The following SMC2 variants were observed in gnomAD, a reference collection of about 807,000 sequenced individuals.
SMC2 encodes structural maintenance of chromosomes 2.
SMC2 carries 41 observed loss-of-function variants against 142.6 expected under a neutral mutation model. That is an observed-to-expected ratio of 0.29 (90% CI 0.22 to 0.37). The LOEUF is 0.37. Ranked by LOEUF, SMC2 falls within the 10% of genes least tolerant of loss-of-function variation. The pLI is 1.00. For synonymous variants in SMC2, 463 were observed against 457.5 expected, an observed-to-expected ratio of 1.01 and a Z score of -0.15; for missense variants, 1,265 against 1,373.7, an observed-to-expected ratio of 0.92 and a Z score of 1.25.
chr9:104,121,703 C>A (rs1025968917), intron 16 of SMC2, among the ~76,000 whole-genome samples: 20 of 151,988 alleles, frequency 1.3e-4, no homozygotes, highest in Non-Finnish European at 2.5e-4. Flanking sequence ...AAAATGGCAC[C>A]AAGACTTTTG....
chr9:104,133,666 T>C (rs2131552930), intron 22 of SMC2, among the ~76,000 whole-genome samples: 1 of 152,208 alleles, frequency 6.6e-6, no homozygotes, highest in East Asian at 1.9e-4. Flanking sequence ...ATCAATCAAG[T>C]GCGTATGAAC....
chr9:104,096,139 T>C lies in SMC2; in HGVS notation c.169-9T>C, dbSNP rs1175819657. The C allele has an allele frequency of 1.2e-6, 2 of 1,609,812 alleles. No individual in the cohort carries two copies. The highest frequency in any genetic ancestry group is 4.5e-5 in the East Asian group (2 of 44,858). On this transcript the variant is annotated splice_polypyrimidine_tract_variant and intron_variant, in intron 2 of 24. Coordinates refer to ENST00000374793, the MANE Select transcript of SMC2 (RefSeq NM_006444.3). Reference sequence around the variant, plus strand: ...TTGTAATTGTTACACTTTTCATATTTTATTTTAGGTTCGGGCTTCTAATTT... The same window carrying C: ...TTGTAATTGTTACACTTTTCATATTCTATTTTAGGTTCGGGCTTCTAATTT...
At chr9:104,134,365 C>T (rs1452464042) in intron 22 of SMC2, 50 bp from the exon 23 acceptor site, 1 of 1,419,540 alleles carries the variant, frequency 7.0e-7, no homozygotes. Flanking sequence ...ACAATTGATT[C>T]TTCTTGGAAA....
rs756423115 is a variant in SMC2 at position 104,118,175 on chromosome 9, G to T, written c.1796G>T (p.Gly599Val). ...ATATCTGTTGTTGTCCCACAGGTTGGCCCTGACAACGTTCATGTGGCTCTT... is the reference window on the plus strand; with the variant it reads ...ATATCTGTTGTTGTCCCACAGGTTGTCCCTGACAACGTTCATGTGGCTCTT... Reference protein sequence around the residue: ...ETLRVAQNLVGPDNVHVALSL... With the variant: ...ETLRVAQNLVVPDNVHVALSL... The change falls in exon 15 of 25, where the codon GGC becomes GTC. Residue 599 changes from glycine to valine, a missense_variant. Gly to Val is a moderately radical substitution (Grantham distance 109). This residue lies in a region of SMC2 where 898 missense variants were observed against 904.2 expected (regional missense o/e 0.99). Coordinates refer to ENST00000374793, the MANE Select transcript of SMC2 (RefSeq NM_006444.3). 1.4e-5 allele frequency: 22 copies of T among 1,613,554 alleles called. No individual in the cohort carries two copies. In the Admixed American group the frequency reaches 3.5e-4, roughly 26 times the overall value.
chr9:104,120,102 A>G lies in SMC2; in HGVS notation c.2072A>G (p.Lys691Arg). The change falls in exon 16 of 25, where the codon AAA becomes AGA. Residue 691 changes from lysine to arginine, a missense_variant. Physicochemically the swap from Lys to Arg is conservative, Grantham distance 26. Transcript: ENST00000374793. ...LKDVQDELRI[K>R]ENELRALEEE... ...GATGTTCAGGATGAACTGAGAATCA[A>G]AGAGAATGAGCTGCGGGCTCTAGAA... 6.2e-7 allele frequency: 1 copy of G among 1,614,066 alleles called. No homozygotes were observed. Among genetic ancestry groups the G allele is most frequent in the Non-Finnish European group, 8.5e-7 (1 of 1,179,946 alleles).
rs747574527 is a variant in SMC2, at chr9:104,116,241, T to G, written c.1713T>G (p.Arg571=). The G allele has an allele frequency of 1.3e-5, 21 of 1,608,204 alleles. No individual in the cohort carries two copies. In the South Asian group the frequency reaches 2.3e-4, roughly 18 times the overall value. ...KKLLERGELK[R]RYTIIPLNKI... ...TACTAGAAAGGGGGGAACTGAAACG[T>G]CGATACACTATAATTCCACTCAATA... Residue 571 remains arginine, a synonymous_variant, in exon 14 of 25, where the codon CGT becomes CGG. Coordinates refer to ENST00000374793, the MANE Select transcript of SMC2 (RefSeq NM_006444.3).
chr9:104,122,770 C>G (rs1833877163), intron 16 of SMC2, among the ~76,000 whole-genome samples: 1 of 151,960 alleles, frequency 6.6e-6, no homozygotes, highest in Non-Finnish European at 1.5e-5. Context: ...TATAATTAAT[C>G]ATTTTTCGTG....
chr9:104,131,733 TAA>T (rs1834996198), intron 21 of SMC2, among the ~76,000 whole-genome samples: 1 of 151,740 alleles, frequency 6.6e-6, no homozygotes, highest in African/African-American at 2.4e-5. Flanking sequence ...CTTTGTCTTA[TAA>T]ATTCTTAGTT....
At chr9:104,118,839 G>A (rs1208147259) in intron 15 of SMC2, among the ~76,000 whole-genome samples, 3 of 152,052 alleles carry the variant, frequency 2.0e-5, no homozygotes, top group Admixed American at 6.5e-5. Flanking sequence ...TGGATAATTC[G>A]ACAATGCAGA....
rs1264781263 is a variant in SMC2, at chr9:104,100,216, A to G, written c.591+13A>G. 2 of 1,493,760 alleles carry G rather than the reference A, an allele frequency of 1.3e-6. No individual in the cohort carries two copies. Among genetic ancestry groups the G allele is most frequent in the Non-Finnish European group, 1.8e-6 (2 of 1,104,872 alleles). The allele number at this position is 1,493,760 out of a possible 1,614,324, so 92.5% of individuals were successfully genotyped here. ...AGAAATTAAGACGGTAATTTAATTCATATAAAATATTTTCGGAGAAGAATG... is the reference window on the plus strand; with the variant it reads ...AGAAATTAAGACGGTAATTTAATTCGTATAAAATATTTTCGGAGAAGAATG... On this transcript the variant is annotated intron_variant, in intron 6 of 24. Transcript: ENST00000374793.
chr9:104,108,356 G>C (rs2131362145), intron 9 of SMC2, among the ~76,000 whole-genome samples: 1 of 152,300 alleles, frequency 6.6e-6, no homozygotes, highest in South Asian at 2.1e-4. Flanking sequence ...TGGATCCACA[G>C]TGTCCCTTTA....
chr9:104,123,744 A>G (rs978204843), intron 17 of SMC2, among the ~76,000 whole-genome samples: 7 of 152,026 alleles, frequency 4.6e-5, no homozygotes, highest in African/African-American at 1.7e-4. Flanking sequence ...TCCTTTTACC[A>G]TCTTTTTTGG....
intron 22 of SMC2, among the ~76,000 whole-genome samples, chr9:104,134,016 A>G (rs1835261983): frequency 2.0e-5 from 3 of 151,850 alleles, no homozygotes; most frequent in Admixed American, 2.0e-4. Context: ...TTTTTTCCTC[A>G]TGTGATACAA....
At chr9:104,103,403 A>C (rs536998666) in intron 9 of SMC2, among the ~76,000 whole-genome samples, 4 of 152,202 alleles carry the variant, frequency 2.6e-5, no homozygotes, top group Non-Finnish European at 5.9e-5. Flanking sequence ...AGGGTAATAC[A>C]GAAGAGAGTT....
chr9:104,132,971 T>C (rs1266607439), intron 22 of SMC2, among the ~76,000 whole-genome samples: 1 of 152,088 alleles, frequency 6.6e-6, no homozygotes, highest in Non-Finnish European at 1.5e-5. Context: ...ATTCAGTGCT[T>C]ATTATATGCC....
chr9:104,113,783 C>T (rs1363429428), intron 11 of SMC2, among the ~76,000 whole-genome samples, 181 bp from the exon 12 acceptor site: 5 of 152,078 alleles, frequency 3.3e-5, no homozygotes, highest in Admixed American at 6.5e-5. Flanking sequence ...TGTTATTTGC[C>T]GTTGGAAATA....
At position 104,111,783 on chromosome 9, in the gene SMC2, A is replaced by T; in HGVS notation, c.1223A>T (p.Asp408Val). 6.2e-7 allele frequency: 1 copy of T among 1,613,856 alleles called. No individual in the cohort carries two copies. Among genetic ancestry groups the T allele is most frequent in the Non-Finnish European group, 8.5e-7 (1 of 1,179,816 alleles). ...LAGQMMACKN[D>V]ISKAQTEAKQ... ...GGTCAAATGATGGCCTGTAAAAATGATATAAGTAAAGCTCAGACAGAAGCC... is the reference window on the plus strand; with the variant it reads ...GGTCAAATGATGGCCTGTAAAAATGTTATAAGTAAAGCTCAGACAGAAGCC... The change falls in exon 10 of 25, where the codon GAT becomes GTT. Residue 408 changes from aspartate (D) to valine (V), a missense_variant. Physicochemically the swap from Asp to Val is radical, Grantham distance 152. Around this residue, in one of 4 missense-constraint regions of SMC2, gnomAD observed 898 missense variants for 904.2 expected, o/e 0.99. Transcript: ENST00000374793.
rs899677262 is a variant in SMC2 at position 104,139,183 on chromosome 9, C to T, written c.3462C>T (p.Asn1154=). 2.5e-5 allele frequency: 40 copies of T among 1,597,702 alleles called. No homozygotes were observed. Among genetic ancestry groups the T allele is most frequent in the Admixed American group, 2.5e-4 (14 of 56,224 alleles). ...AAGAAGGTATGTTCAACAATGCAAA[C>T]GTTCTTTTCAAAACCAAGTTTGTGG... The part of the protein sequence containing the change: ...SLKEGMFNNA[N]VLFKTKFVDG... Residue 1154 remains asparagine (N), a synonymous_variant, in exon 25 of 25, where the codon AAC becomes AAT. Coordinates refer to ENST00000374793, the MANE Select transcript of SMC2 (RefSeq NM_006444.3).
chr9:104,091,941 GAAGCTTTCAAAC>G (rs1829988269), upstream of SMC2: 1 of 152,174 alleles, frequency 6.6e-6, no homozygotes, highest in Non-Finnish European at 1.5e-5. Flanking sequence ...CGCTAGCGTT[GAAGCTTTCAAAC>G]GATTTTAATC....
Sources: gnomAD v4.1 joint callset for allele counts (sites outside exome capture counted in the v4.1 genomes callset) on GRCh38, gnomAD v4.1.1 for gene constraint, gnomAD v4.1.1 regional missense constraint, MANE v1.5 for transcripts, NCBI Gene and HGNC (gene_info 2026-07-23, HGNC 2026-07-21) for gene names.